Variants in ABCC1 observed in about 807,000 individuals in gnomAD.
ABCC1 encodes the protein multidrug resistance-associated protein 1.
Under a neutral mutation model 172.9 loss-of-function variants are expected in ABCC1, and 83 were observed. That is an observed-to-expected ratio of 0.48 (90% CI 0.40 to 0.58). ABCC1 has a LOEUF of 0.58. Among genes scored for constraint, ABCC1 ranks in the 20% least tolerant of loss-of-function variants. ABCC1 has a pLI of 0.00. For missense variants in ABCC1, 1,817 were observed against 2,002.7 expected (o/e 0.91, Z 1.77); for synonymous variants, 937 against 825.2 (o/e 1.14, Z -2.32).
At chr16:16,087,937 A>G (rs952967601) in intron 18 of ABCC1, among the ~76,000 whole-genome samples, 8 of 152,184 alleles carry the variant, frequency 5.3e-5, no homozygotes, top group Non-Finnish European at 1.0e-4. Flanking sequence ...TTCCACGTAT[A>G]TATACAGGAA....
intron 5 of ABCC1, among the ~76,000 whole-genome samples, chr16:16,024,777 T>C (rs953161242): frequency 2.0e-5 from 3 of 152,114 alleles, no homozygotes; most frequent in Admixed American, 6.6e-5. Flanking sequence ...GAGGATACAT[T>C]GGACATGGGG....
Position 16,122,113 on chromosome 16 carries a change from C to T in ABCC1, c.3529C>T (p.Gln1177Ter), listed in dbSNP as rs749733610. ...CGAGGAGCAGGAGCGCTTCATCCACCAGAGTGACCTGAAGGTGGACGAGAA... is the reference window on the plus strand; with the variant it reads ...CGAGGAGCAGGAGCGCTTCATCCACTAGAGTGACCTGAAGGTGGACGAGAA... ...AFEEQERFIH[Q>*]SDLKVDENQK... The change falls in exon 24 of 31, where the codon CAG becomes TAG. Residue 1177 changes from glutamine (Q) to a stop codon, truncating the protein, a stop_gained. Transcript: ENST00000399410. LOFTEE classifies it high-confidence loss of function. 6.2e-7 allele frequency: 1 copy of T among 1,614,176 alleles called. No individual in the cohort carries two copies. The highest frequency in any genetic ancestry group is 8.5e-7 in the Non-Finnish European group (1 of 1,180,050).
intron 1 of ABCC1, among the ~76,000 whole-genome samples, chr16:15,961,000 GTTTTTTTTTTTTT>G: frequency 9.3e-6 from 1 of 107,708 alleles, no homozygotes; most frequent in African/African-American, 3.4e-5. Context: ...TGAAACGCAG[GTTTTTTTTTTTTT>G]TTTTTTTTTT....
chr16:15,979,319 A>G (rs1454730906), intron 1 of ABCC1, among the ~76,000 whole-genome samples: 1 of 151,906 alleles, frequency 6.6e-6, no homozygotes, highest in Non-Finnish European at 1.5e-5. Flanking sequence ...CAAAAAAAAA[A>G]CAAAATTTTT....
intron 5 of ABCC1, among the ~76,000 whole-genome samples, chr16:16,020,978 C>G (rs2048174478): frequency 6.6e-6 from 1 of 152,168 alleles, no homozygotes; most frequent in Admixed American, 6.6e-5. Flanking sequence ...TTGGTTGTAA[C>G]TGCTGAATGG....
At chr16:15,967,955 G>A (rs766872867) in intron 1 of ABCC1, among the ~76,000 whole-genome samples, 1 of 152,132 alleles carries the variant, frequency 6.6e-6, no homozygotes, top group African/African-American at 2.4e-5. Context: ...TGTCTTGTCT[G>A]ATGTTATAAG....
chr16:16,128,392 A>G (rs929233232), intron 26 of ABCC1, among the ~76,000 whole-genome samples: 1 of 149,638 alleles, frequency 6.7e-6, no homozygotes, highest in Non-Finnish European at 1.5e-5. Context: ...CTCGTGATCC[A>G]CCCGCCTCAG....
chr16:15,995,278 C>T (rs182073802), intron 1 of ABCC1, among the ~76,000 whole-genome samples: 58 of 152,196 alleles, frequency 3.8e-4, no homozygotes, highest in Admixed American at 2.0e-3. Flanking sequence ...TAATGTGAAA[C>T]ACTTAGAGTG....
At position 16,131,878 on chromosome 16, in the gene ABCC1, A is replaced by G. The variant is rs938928498; in HGVS notation, c.3909A>G (p.Arg1303=). Residue 1303 remains arginine, a synonymous_variant, in exon 27 of 31, where the codon CGA becomes CGG. Transcript: ENST00000399410. ...VEFRNYCLRY[R]EDLDFVLRHI... is the part of the protein sequence containing the mutation. ...TCCGGAACTACTGCCTGCGCTACCG[A>G]GAGGACCTGGACTTCGTTCTCAGGC... is the stretch of plus-strand genomic sequence containing the variant. The G allele has an allele frequency of 3.1e-6, 5 of 1,614,152 alleles. No individual in the cohort carries two copies. Among genetic ancestry groups the G allele is most frequent in the Non-Finnish European group, 4.2e-6 (5 of 1,180,020 alleles).
At chr16:16,102,474 A>G (rs1567405287) in intron 19 of ABCC1, among the ~76,000 whole-genome samples, 153 bp from the exon 20 acceptor site, 2 of 152,170 alleles carry the variant, frequency 1.3e-5, no homozygotes, top group Admixed American at 6.5e-5. Flanking sequence ...CAGCCTGTTC[A>G]TGGCCTCTGC....
At chr16:16,031,075 C>T (rs1251442877) in intron 5 of ABCC1, among the ~76,000 whole-genome samples, 1 of 152,160 alleles carries the variant, frequency 6.6e-6, no homozygotes, top group African/African-American at 2.4e-5. Flanking sequence ...TCTCGAACTC[C>T]TGACCACAAG....
chr16:16,066,142 T>TC lies in ABCC1; in HGVS notation c.1678-2014_1678-2013insC, dbSNP rs555748965. Among the ~76,000 whole-genome samples, 43 of 152,248 alleles carry TC rather than the reference T, an allele frequency of 2.8e-4. No homozygotes were observed. The East Asian group carries it at 6.0e-3, about 21-fold the overall frequency. On this transcript the variant is annotated intron_variant, in intron 12 of 30. Coordinates refer to ENST00000399410, the MANE Select transcript of ABCC1 (RefSeq NM_004996.4). The stretch of plus-strand genomic sequence containing the variant: ...TGTCTCTGTTTATCTACTGTGGACT[T>TC]TTCATATAAATGGAATCAAACAACA...
chr16:16,051,320 G>A (rs564198977), intron 10 of ABCC1, among the ~76,000 whole-genome samples: 6 of 151,856 alleles, frequency 4.0e-5, no homozygotes, highest in Admixed American at 1.3e-4. Context: ...ACAGGTGCAC[G>A]CCACCATGCC....
At chr16:16,085,640 C>T (rs2152001893) in intron 17 of ABCC1, among the ~76,000 whole-genome samples, 1 of 152,290 alleles carries the variant, frequency 6.6e-6, no homozygotes, top group Middle Eastern at 3.4e-3. Flanking sequence ...AGTTGCCAGG[C>T]ATGGTGCCGT....
chr16:16,037,584 G>A (rs2048805184), intron 7 of ABCC1, among the ~76,000 whole-genome samples: 1 of 152,230 alleles, frequency 6.6e-6, no homozygotes, highest in Non-Finnish European at 1.5e-5. Context: ...GCAGTGGATT[G>A]CGGCCATGGG....
At chr16:16,117,297 G>A (rs2044930120) in intron 23 of ABCC1, among the ~76,000 whole-genome samples, 3 of 152,142 alleles carry the variant, frequency 2.0e-5, no homozygotes, top group Non-Finnish European at 4.4e-5. Context: ...ACGAAGTCGG[G>A]GAGCCCCCTT....
chr16:16,009,643 C>T (rs2047693883), intron 2 of ABCC1, 133 bp from the exon 3 acceptor site: 2 of 916,046 alleles, frequency 2.2e-6, no homozygotes, highest in South Asian at 2.5e-5. Context: ...GGATATGTGC[C>T]ATGTCCTAGG....
chr16:16,029,899 A>G (rs1163158319), intron 5 of ABCC1, among the ~76,000 whole-genome samples: 1 of 152,196 alleles, frequency 6.6e-6, no homozygotes, highest in Non-Finnish European at 1.5e-5. Flanking sequence ...ATAATAATTC[A>G]TTATTATCAA....
intron 7 of ABCC1, among the ~76,000 whole-genome samples, chr16:16,039,846 C>G (rs1484151480): frequency 1.3e-5 from 2 of 152,024 alleles, no homozygotes; most frequent in African/African-American, 4.8e-5. Flanking sequence ...GAGGGAGCAG[C>G]CAGTGCAAAG....
Sources: gnomAD v4.1 joint callset for allele counts (sites outside exome capture counted in the v4.1 genomes callset) on GRCh38, gnomAD v4.1.1 for gene constraint, MANE v1.5 for transcripts, NCBI Gene and HGNC (gene_info 2026-07-23, HGNC 2026-07-21) for gene names.